Variants in ZNF521 observed in about 807,000 individuals in gnomAD.
ZNF521 encodes the protein zinc finger protein 521, also known as LYST-interacting protein 3.
In ZNF521, 14 loss-of-function variants were observed where a neutral mutation model predicts 105.5. That is an observed-to-expected ratio of 0.13 (90% CI 0.09 to 0.21). The LOEUF (loss-of-function observed/expected upper bound fraction) is 0.21, where lower values mean the gene tolerates loss of function less well. Among genes scored for constraint, ZNF521 ranks in the 10% least tolerant of loss-of-function variants. The probability of loss-of-function intolerance (pLI) is 1.00; values close to 1 mark genes in which losing one functional copy is unlikely to be tolerated. For synonymous variants in ZNF521, 635 were observed against 606.0 expected, an observed-to-expected ratio of 1.05 and a Z score of -0.70; for missense variants, 1,233 against 1,629.7, an observed-to-expected ratio of 0.76 and a Z score of 4.19.
intron 3 of ZNF521, among the ~76,000 whole-genome samples, chr18:25,275,515 T>G (rs1022424362): frequency 6.6e-6 from 1 of 152,184 alleles, no homozygotes; most frequent in African/African-American, 2.4e-5. Flanking sequence ...GCCTACCCAT[T>G]TACTCTTAAG....
At chr18:25,152,437 C>G (rs1159639543) in intron 5 of ZNF521, among the ~76,000 whole-genome samples, 1 of 151,010 alleles carries the variant, frequency 6.6e-6, no homozygotes, top group Non-Finnish European at 1.5e-5. Flanking sequence ...TGAGATCGTG[C>G]CACTGCACTC....
intron 2 of ZNF521, chr18:25,327,471 T>C (rs1600312409): frequency 8.6e-7 from 1 of 1,166,238 alleles, no homozygotes; most frequent in Non-Finnish European, 1.1e-6. Flanking sequence ...TCAGAGAGTA[T>C]CTGTTTAAAA....
chr18:25,265,560 C>T (rs570016603), intron 3 of ZNF521, among the ~76,000 whole-genome samples: 1 of 152,264 alleles, frequency 6.6e-6, no homozygotes, highest in East Asian at 1.9e-4. Context: ...ATTCTCACAT[C>T]CTGTTCCCTC....
At chr18:25,124,506 A>C (rs2034502174) in intron 5 of ZNF521, among the ~76,000 whole-genome samples, 1 of 152,192 alleles carries the variant, frequency 6.6e-6, no homozygotes, top group South Asian at 2.1e-4. Context: ...TTACAGTGTA[A>C]ATATAAGCTA....
At chr18:25,317,424 T>C (rs1459787245) in intron 3 of ZNF521, among the ~76,000 whole-genome samples, 2 of 152,138 alleles carry the variant, frequency 1.3e-5, no homozygotes, top group South Asian at 2.1e-4. Context: ...ACGCACTCAG[T>C]AAAAATTAAC....
intron 7 of ZNF521, among the ~76,000 whole-genome samples, chr18:25,077,361 C>T (rs1320244020): frequency 6.6e-6 from 1 of 152,188 alleles, no homozygotes. Flanking sequence ...GCTACAAAGT[C>T]CAGGCCAGAC....
chr18:25,219,240 T>C (rs533131197), intron 4 of ZNF521, among the ~76,000 whole-genome samples: 2 of 152,216 alleles, frequency 1.3e-5, no homozygotes, highest in East Asian at 3.9e-4. Flanking sequence ...TTTGACCGAG[T>C]GAGGGGTCAG....
intron 7 of ZNF521, among the ~76,000 whole-genome samples, chr18:25,086,507 T>C (rs188562944): frequency 2.0e-5 from 3 of 152,264 alleles, no homozygotes; most frequent in African/African-American, 7.2e-5. Context: ...GCCACTGACA[T>C]TATTGAGGAT....
At chr18:25,175,822 C>G (rs987469624) in intron 5 of ZNF521, among the ~76,000 whole-genome samples, 1 of 152,166 alleles carries the variant, frequency 6.6e-6, no homozygotes, top group Non-Finnish European at 1.5e-5. Context: ...TTCAGACATG[C>G]CATAGTATTC....
At chr18:25,206,477 A>T (rs2036082200) in intron 4 of ZNF521, among the ~76,000 whole-genome samples, 1 of 151,668 alleles carries the variant, frequency 6.6e-6, no homozygotes. Flanking sequence ...TATATCTCTA[A>T]TGTATCCTTC....
intron 5 of ZNF521, among the ~76,000 whole-genome samples, chr18:25,144,375 G>C (rs2034905445): frequency 6.6e-6 from 1 of 152,062 alleles, no homozygotes. Context: ...TCAAAATTAG[G>C]CTTTTCTTTT....
intron 5 of ZNF521, among the ~76,000 whole-genome samples, chr18:25,120,805 G>A (rs2034425374): frequency 6.6e-6 from 1 of 152,094 alleles, no homozygotes; most frequent in Non-Finnish European, 1.5e-5. Context: ...ACTGATCTGT[G>A]AACAAATACC....
intron 2 of ZNF521, among the ~76,000 whole-genome samples, chr18:25,338,122 G>A (rs1237510475): frequency 5.3e-5 from 8 of 152,094 alleles, no homozygotes; most frequent in African/African-American, 1.9e-4. Flanking sequence ...TCTAACCATG[G>A]AACAGATATT....
chr18:25,205,440 A>G (rs2036063910), intron 4 of ZNF521, among the ~76,000 whole-genome samples: 1 of 152,214 alleles, frequency 6.6e-6, no homozygotes, highest in South Asian at 2.1e-4. Flanking sequence ...GGGTTACACA[A>G]AATTAGGGCC....
chr18:25,180,264 AT>A (rs2035608833), intron 5 of ZNF521, among the ~76,000 whole-genome samples: 1 of 152,210 alleles, frequency 6.6e-6, no homozygotes, highest in Non-Finnish European at 1.5e-5. Flanking sequence ...AGAAGTTACA[AT>A]TGTCCTAAGC....
chr18:25,303,676 T>C (rs984081991), intron 3 of ZNF521, among the ~76,000 whole-genome samples: 11 of 152,306 alleles, frequency 7.2e-5, no homozygotes, highest in Middle Eastern at 3.4e-3. Context: ...TGTGAATTCA[T>C]CCAAATGCTA....
intron 3 of ZNF521, among the ~76,000 whole-genome samples, chr18:25,287,078 A>C (rs748316680): frequency 6.6e-6 from 1 of 152,222 alleles, no homozygotes; most frequent in African/African-American, 2.4e-5. Context: ...CTTCTTTGCT[A>C]TAAGGAAAAT....
At chr18:25,128,001 C>G (rs2034568168) in intron 5 of ZNF521, among the ~76,000 whole-genome samples, 1 of 151,814 alleles carries the variant, frequency 6.6e-6, no homozygotes, top group Admixed American at 6.6e-5. Context: ...AATACAGAAA[C>G]CAGACAAAGA....
At chr18:25,157,671 A>G (rs1192690614) in intron 5 of ZNF521, among the ~76,000 whole-genome samples, 1 of 152,244 alleles carries the variant, frequency 6.6e-6, no homozygotes, top group Non-Finnish European at 1.5e-5. Flanking sequence ...TCAGTGATTT[A>G]GAACCAGTCT....
Sources: allele counts gnomAD v4.1 joint callset (sites outside exome capture counted in the v4.1 genomes callset), GRCh38; gene constraint gnomAD v4.1.1; transcripts MANE v1.5; gene names NCBI Gene and HGNC (gene_info 2026-07-23, HGNC 2026-07-21).